Variants in FBXO34 observed in about 807,000 individuals in gnomAD.
FBXO34 encodes F-box only protein 34.
Under a neutral mutation model 24.5 loss-of-function variants are expected in FBXO34, and 12 were observed. That is an observed-to-expected ratio of 0.49 (90% CI 0.31 to 0.79). The LOEUF is 0.79. FBXO34 is among the 30% of genes least tolerant of loss of function. The pLI is 0.04. For missense variants in FBXO34, 823 were observed against 857.7 expected (o/e 0.96, Z 0.51); for synonymous variants, 320 against 311.9 (o/e 1.03, Z -0.27).
downstream of FBXO34, among the ~76,000 whole-genome samples, chr14:55,355,623 A>T (rs1884511272): frequency 6.6e-6 from 1 of 152,216 alleles, no homozygotes; most frequent in Non-Finnish European, 1.5e-5. Flanking sequence ...AGGTGATTTA[A>T]AGTAGATGGG....
the FBXO34 span, among the ~76,000 whole-genome samples, chr14:55,435,278 A>T: frequency 2.1e-5 from 3 of 143,938 alleles, no homozygotes; most frequent in African/African-American, 5.1e-5. Flanking sequence ...GTCAGGTGAA[A>T]TTTTTTTTTT....
intron 1 of FBXO34, among the ~76,000 whole-genome samples, chr14:55,299,875 T>C (rs1285579834): frequency 6.6e-6 from 1 of 152,190 alleles, no homozygotes. Context: ...TCAACAGTTA[T>C]CAACCACTCT....
chr14:55,394,216 A>G, the FBXO34 span, among the ~76,000 whole-genome samples: 2 of 151,450 alleles, frequency 1.3e-5, no homozygotes, highest in East Asian at 1.9e-4. Flanking sequence ...CATGTTGGTC[A>G]GGCTGGTCTC....
intron 1 of FBXO34, among the ~76,000 whole-genome samples, chr14:55,273,900 G>A (rs941334866): frequency 6.6e-6 from 1 of 152,122 alleles, no homozygotes; most frequent in African/African-American, 2.4e-5. Flanking sequence ...CCGCCTCCCG[G>A]GTTCAAGCGA....
chr14:55,413,064 G>T, the FBXO34 span, among the ~76,000 whole-genome samples: 3 of 152,086 alleles, frequency 2.0e-5, no homozygotes, highest in Non-Finnish European at 4.4e-5. Flanking sequence ...AATCACGTAG[G>T]ATTACAAAAA....
intron 1 of FBXO34, among the ~76,000 whole-genome samples, chr14:55,339,814 T>G (rs1401728843): frequency 1.3e-5 from 2 of 152,144 alleles, no homozygotes; most frequent in African/African-American, 4.8e-5. Flanking sequence ...CTAAACAGAG[T>G]ATACCTTAAC....
the FBXO34 span, among the ~76,000 whole-genome samples, chr14:55,401,026 T>G: frequency 2.0e-5 from 3 of 152,074 alleles, no homozygotes; most frequent in Admixed American, 2.0e-4. Context: ...CTAAAACACT[T>G]TATACAGTTT....
At chr14:55,292,906 G>A (rs1354526767) in intron 1 of FBXO34, among the ~76,000 whole-genome samples, 1 of 151,216 alleles carries the variant, frequency 6.6e-6, no homozygotes, top group Non-Finnish European at 1.5e-5. Flanking sequence ...TTTTTGAAAC[G>A]GAGTCTCACT....
intron 1 of FBXO34, among the ~76,000 whole-genome samples, chr14:55,293,407 C>T (rs1882012014): frequency 6.6e-6 from 1 of 152,106 alleles, no homozygotes; most frequent in South Asian, 2.1e-4. Flanking sequence ...TGGTCTTGAA[C>T]TTTGACCTCA....
At chr14:55,442,679 G>A in the FBXO34 span, among the ~76,000 whole-genome samples, 1,557 of 152,062 alleles carry the variant, frequency 0.01, 14 homozygotes, top group Non-Finnish European at 0.015. Flanking sequence ...AATTGCTTAC[G>A]ATGGTATTTA....
intron 1 of FBXO34, among the ~76,000 whole-genome samples, chr14:55,346,426 A>C (rs1184958618): frequency 6.6e-6 from 1 of 152,236 alleles, no homozygotes; most frequent in Non-Finnish European, 1.5e-5. Context: ...TTCTGGCTTA[A>C]TGGACTAGGT....
the FBXO34 span, chr14:55,397,396 C>A: frequency 6.4e-5 from 103 of 1,613,576 alleles, no homozygotes; most frequent in Non-Finnish European, 8.4e-5. Flanking sequence ...TTCTTGCTTG[C>A]TCTTAAGTCG....
chr14:55,400,749 A>C, the FBXO34 span, among the ~76,000 whole-genome samples: 2 of 151,962 alleles, frequency 1.3e-5, no homozygotes, highest in African/African-American at 2.4e-5. Flanking sequence ...CTAAAAATAC[A>C]AAAAATTAGC....
At chr14:55,335,886 G>A (rs1246954579) in intron 1 of FBXO34, among the ~76,000 whole-genome samples, 1 of 152,008 alleles carries the variant, frequency 6.6e-6, no homozygotes, top group Non-Finnish European at 1.5e-5. Flanking sequence ...AATATTAATG[G>A]CTACATCACT....
At chr14:55,316,412 C>A (rs1198449637) in intron 1 of FBXO34, among the ~76,000 whole-genome samples, 2 of 151,408 alleles carry the variant, frequency 1.3e-5, no homozygotes, top group Non-Finnish European at 2.9e-5. Context: ...AATGGTGAAA[C>A]CCTGTCTCTA....
chr14:55,277,713 C>T (rs1310094635), intron 1 of FBXO34, among the ~76,000 whole-genome samples: 1 of 152,144 alleles, frequency 6.6e-6, no homozygotes, highest in African/African-American at 2.4e-5. Flanking sequence ...ACGCAAGTTT[C>T]TTAGGAGTGG....
the FBXO34 span, among the ~76,000 whole-genome samples, chr14:55,404,663 G>T: frequency 4.6e-5 from 7 of 152,174 alleles, no homozygotes; most frequent in Non-Finnish European, 7.4e-5. Context: ...GTGTACAGGT[G>T]GGGGGTGCTG....
intron 1 of FBXO34, among the ~76,000 whole-genome samples, chr14:55,287,011 C>T (rs953905135): frequency 1.1e-4 from 16 of 150,840 alleles, no homozygotes; most frequent in Non-Finnish European, 1.5e-4. Context: ...CAGGTTCAAG[C>T]GATTCTCGTG....
the FBXO34 span, among the ~76,000 whole-genome samples, chr14:55,425,313 C>T: frequency 6.6e-6 from 1 of 152,116 alleles, no homozygotes; most frequent in Non-Finnish European, 1.5e-5. Flanking sequence ...AGGGGGAGCC[C>T]TGAAAAACCC....
Sources: gnomAD v4.1 joint callset for allele counts (sites outside exome capture counted in the v4.1 genomes callset) on GRCh38, gnomAD v4.1.1 for gene constraint, MANE v1.5 for transcripts, NCBI Gene and HGNC (gene_info 2026-07-23, HGNC 2026-07-21) for gene names.